The following AGRN variants were observed in gnomAD, a reference collection of about 807,000 sequenced individuals.
AGRN encodes the protein agrin proteoglycan.
In AGRN, 106 loss-of-function variants were observed where a neutral mutation model predicts 211.0. The ratio of observed to expected loss-of-function variants is 0.50; its 90% CI spans 0.43 to 0.59. AGRN has a LOEUF of 0.59. Ranked by LOEUF, AGRN falls within the 20% of genes least tolerant of loss-of-function variation. AGRN has a pLI of 0.00. For missense variants in AGRN, 3,040 were observed against 2,982.6 expected, an observed-to-expected ratio of 1.02 and a Z score of -0.45; for synonymous variants, 1,525 against 1,332.5, an observed-to-expected ratio of 1.14 and a Z score of -3.15.
chr1:1,053,569 C>G, intron 33 of AGRN, 184 bp from the exon 34 acceptor site: 2 of 1,518,550 alleles, frequency 1.3e-6, no homozygotes, highest in Non-Finnish European at 8.8e-7. Context: ...TGATCTCTCT[C>G]TGCCAGGCTG....
rs755142502 is a variant in AGRN at position 1,045,431 on chromosome 1, G to T, written c.2444G>T (p.Arg815Leu). ...CCAGCCACAGGCCAGTGCTCCTGCC[G>T]CCCAGGTGTGGGGGGCCTCAGGTGT... ...CDPATGQCSC[R>L]PGVGGLRCDR... The change falls in exon 14 of 36, where the codon CGC becomes CTC. Residue 815 changes from arginine (R) to leucine (L), a missense_variant. This residue lies in a region of AGRN where 1,498 missense variants were observed against 1,457.8 expected (regional missense o/e 1.03). Coordinates refer to ENST00000379370, the MANE Select transcript of AGRN (RefSeq NM_198576.4). 8 of 1,612,140 alleles carry T rather than the reference G, an allele frequency of 5.0e-6. No individual in the cohort carries two copies. The highest frequency in any genetic ancestry group is 1.1e-5 in the South Asian group (1 of 91,064).
rs767290327 is a variant in AGRN, at chr1:1,046,572, C to T, written c.3087C>T (p.Ser1029=). The change falls in exon 18 of 36, where the codon AGC becomes AGT. Residue 1029 remains serine (S), a synonymous_variant. Coordinates refer to ENST00000379370, the MANE Select transcript of AGRN (RefSeq NM_198576.4). ...CATCACGACCTCGGACCACTGCCAG[C>T]GTCCCCAGGACCACCGTGTGGCCCG... ...PPSSRPRTTA[S]VPRTTVWPVL... is the part of the protein sequence containing the mutation. The T allele has an allele frequency of 1.7e-5, 28 of 1,608,182 alleles. No homozygotes were observed. The highest frequency in any genetic ancestry group is 2.2e-5 in the East Asian group (1 of 44,848).
rs111818381 is a variant in AGRN, at chr1:1,049,591, G to A, written c.4540G>A (p.Ala1514Thr). 9.5e-3 allele frequency: 15,056 copies of A among 1,590,108 alleles called. 92 individuals carry two copies. The highest frequency in any genetic ancestry group is 0.013 in the Middle Eastern group (80 of 6,030). ...GGCGCTGGAGCGGACCTTCGTGGGCGCCGGCCTGAGGGGGTGCATCCGTTT... is the reference window on the plus strand; with the variant it reads ...GGCGCTGGAGCGGACCTTCGTGGGCACCGGCCTGAGGGGGTGCATCCGTTT... ...AVALERTFVG[A>T]GLRGCIRLLD... Residue 1514 changes from alanine (A) to threonine (T), a missense_variant, in exon 26 of 36, where the codon GCC becomes ACC. This residue lies in a region of AGRN where 1,537 missense variants were observed against 1,505.0 expected (regional missense o/e 1.02). Transcript: ENST00000379370.
chr1:1,051,126 T>G, intron 30 of AGRN, 127 bp from the exon 31 acceptor site: 1 of 1,532,764 alleles, frequency 6.5e-7, no homozygotes, highest in Non-Finnish European at 8.8e-7. Context: ...ACCCTGCCAT[T>G]TCTGTGTGAT....
chr1:1,047,842 G>A lies in AGRN; in HGVS notation c.3698G>A (p.Arg1233Gln), dbSNP rs746259185. ...CGGCAGATCCAGGTGTCCAGGCGCC[G>A]GTCCTTGGGGGTGAGGCGGCCGCTG... ...LLRQIQVSRR[R>Q]SLGVRRPLQE... Residue 1233 changes from arginine (R) to glutamine (Q), a missense_variant, in exon 22 of 36, where the codon CGG (arginine) becomes CAG (glutamine). Arg to Gln is a conservative substitution (Grantham distance 43). Around this residue, in one of 3 missense-constraint regions of AGRN, gnomAD observed 1,537 missense variants for 1,505.0 expected, o/e 1.02. Transcript: ENST00000379370. 3.2e-5 allele frequency: 52 copies of A among 1,605,312 alleles called. No individual in the cohort carries two copies. Among genetic ancestry groups the A allele is most frequent in the African/African-American group, 4.0e-5 (3 of 74,776 alleles).
In AGRN at chr1:1,054,833, C is replaced by T. The variant is rs144091542; in HGVS notation, c.5990C>T (p.Pro1997Leu). The T allele has an allele frequency of 7.3e-5, 114 of 1,557,850 alleles. No homozygotes were observed. Among genetic ancestry groups the T allele is most frequent in the Non-Finnish European group, 9.4e-5 (108 of 1,153,116 alleles). The change falls in exon 36 of 36, where the codon CCG becomes CTG. Residue 1997 changes from proline (P) to leucine (L), a missense_variant. By Grantham distance (98) the Pro-to-Leu change is moderately conservative. Coordinates refer to ENST00000379370, the MANE Select transcript of AGRN (RefSeq NM_198576.4). ...TDGALWLGGL[P>L]ELPVGPALPK... ...ACTGTCTGTGCTGCAGGGGGCCTGC[C>T]GGAGCTGCCCGTGGGCCCAGCACTG... is the stretch of plus-strand genomic sequence containing the variant.
At chr1:1,036,474 T>C (rs1570176173) in intron 3 of AGRN, among the ~76,000 whole-genome samples, 1 of 152,086 alleles carries the variant, frequency 6.6e-6, no homozygotes, top group Non-Finnish European at 1.5e-5. Flanking sequence ...TGGGGTGACC[T>C]GTAGTCAGCT....
rs116836855 is a variant in AGRN, at chr1:1,045,973, C to T, written c.2690C>T (p.Ala897Val). Residue 897 changes from alanine (A) to valine (V), a missense_variant, in exon 16 of 36, where the codon GCG (alanine) becomes GTG (valine). Transcript: ENST00000379370. ...GPAGCEADASAPATCAEMRCE... is the reference protein window; with the variant it reads ...GPAGCEADASVPATCAEMRCE... Reference sequence around the variant, plus strand: ...CATGCCCGTGCCCCAGACGCTTCTGCGCCTGCGACCTGTGCGGAGATGCGC... The same window carrying T: ...CATGCCCGTGCCCCAGACGCTTCTGTGCCTGCGACCTGTGCGGAGATGCGC... The T allele has an allele frequency of 2.6e-3, 4,235 of 1,613,700 alleles. 7 individuals carry two copies. The highest frequency in any genetic ancestry group is 3.3e-3 in the Non-Finnish European group (3,917 of 1,180,008).
intron 3 of AGRN, among the ~76,000 whole-genome samples, chr1:1,039,430 C>A (rs1203220332): frequency 6.6e-6 from 1 of 150,894 alleles, no homozygotes; most frequent in East Asian, 2.0e-4. Context: ...TTCCTCCTGC[C>A]CCATTTCACG....
intron 2 of AGRN, among the ~76,000 whole-genome samples, chr1:1,027,014 C>T (rs888037204): frequency 6.6e-6 from 1 of 152,172 alleles, no homozygotes; most frequent in South Asian, 2.1e-4. Context: ...CTGAGGGAAG[C>T]CCCCCCGAAG....
chr1:1,035,277 A>G lies in AGRN; in HGVS notation c.464A>G (p.Asp155Gly). The G allele has an allele frequency of 6.2e-7, 1 of 1,612,966 alleles. No homozygotes were observed. The highest frequency in any genetic ancestry group is 1.3e-5 in the African/African-American group (1 of 74,978). Reference sequence around the variant, plus strand: ...AACTTGGGGATTTGTTTTCTTCCAGATAAACCCGGGACCCACTTCACTCCA... The same window carrying G: ...AACTTGGGGATTTGTTTTCTTCCAGGTAAACCCGGGACCCACTTCACTCCA... ...NLEEVEFCVE[D>G]KPGTHFTPVP... Residue 155 changes from aspartate to glycine, a missense_variant and splice_region_variant, in exon 3 of 36, where the codon GAT becomes GGT. Transcript: ENST00000379370.
rs941734401 is a variant in AGRN at position 1,032,035 on chromosome 1, C to T, written c.464-3242C>T. ...CCCTGCCCGGGGCACCCACAGTCAG[C>T]ACCGCCGGAACACTGTCAGCCTGGT... On this transcript the variant is annotated intron_variant, in intron 2 of 35. Coordinates refer to ENST00000379370, the MANE Select transcript of AGRN (RefSeq NM_198576.4). The surrounding 1 kb of genome is among the most constrained non-coding windows in gnomAD (Gnocchi z 4.7). Among the ~76,000 whole-genome samples the T allele has an allele frequency of 6.6e-6, 1 of 152,234 alleles. No homozygotes were observed. Among genetic ancestry groups the T allele is most frequent in the Non-Finnish European group, 1.5e-5 (1 of 68,042 alleles).
chr1:1,035,257 G>A lies in AGRN; in HGVS notation c.464-20G>A, dbSNP rs774246555. ...GAGCCTGCTCAGAGGAGCCTAACTT[G>A]GGGATTTGTTTTCTTCCAGATAAAC... is the stretch of plus-strand genomic sequence containing the variant. On this transcript the variant is annotated intron_variant, in intron 2 of 35. Transcript: ENST00000379370. The A allele has an allele frequency of 1.9e-6, 3 of 1,612,850 alleles. No individual in the cohort carries two copies. Among genetic ancestry groups the A allele is most frequent in the African/African-American group, 1.3e-5 (1 of 74,902 alleles).
rs1478624836 is a variant in AGRN at position 1,045,624 on chromosome 1, A to T, written c.2536+101A>T. On this transcript the variant is annotated intron_variant, in intron 14 of 35. Coordinates refer to ENST00000379370, the MANE Select transcript of AGRN (RefSeq NM_198576.4). ...ACCTGCCCAGGCCCTGGCCTGACCC[A>T]CACCTGGCTGGGGGCTGGGCAGAGC... 8.7e-6 allele frequency: 14 copies of T among 1,605,730 alleles called. No individual in the cohort carries two copies. In the Middle Eastern group the frequency reaches 6.6e-4, roughly 76 times the overall value.
chr1:1,054,243 C>G (rs1016846449), intron 34 of AGRN, among the ~76,000 whole-genome samples: 1 of 152,224 alleles, frequency 6.6e-6, no homozygotes, highest in South Asian at 2.1e-4. Context: ...TCCAGCAAAG[C>G]TTGAGCTGCA....
chr1:1,036,189 G>T (rs187758199), intron 3 of AGRN, among the ~76,000 whole-genome samples: 87 of 152,308 alleles, frequency 5.7e-4, no homozygotes, highest in African/African-American at 2.0e-3. Context: ...ATCCTGAAGT[G>T]ATCTGAAGAC....
At chr1:1,044,302 C>A in intron 11 of AGRN, 32 bp from the exon 12 acceptor site, 1 of 1,612,286 alleles carries the variant, frequency 6.2e-7, no homozygotes, top group East Asian at 2.2e-5. Context: ...GGGGACGGGG[C>A]TGCGGCCGCT....
At position 1,041,152 on chromosome 1, in the gene AGRN, CCGGCA is replaced by C; in HGVS notation, c.728-20_728-16del. The C allele has an allele frequency of 7.4e-7, 1 of 1,359,746 alleles. No homozygotes were observed. Among genetic ancestry groups the C allele is most frequent in the Non-Finnish European group, 9.4e-7 (1 of 1,059,216 alleles). The allele number at this position is 1,359,746 out of a possible 1,614,324, so 84.2% of individuals were successfully genotyped here. On this transcript the variant is annotated splice_polypyrimidine_tract_variant and intron_variant, in intron 4 of 35. Coordinates refer to ENST00000379370, the MANE Select transcript of AGRN (RefSeq NM_198576.4). ...GCGGGGGCGGGGGCGGCCCGTCTGACCGGCAAAGCCCCGCCCGCAGGCTCGCGGGA... is the reference window on the plus strand; with the variant it reads ...GCGGGGGCGGGGGCGGCCCGTCTGACAAGCCCCGCCCGCAGGCTCGCGGGA...
intron 1 of AGRN, among the ~76,000 whole-genome samples, chr1:1,021,135 C>T (rs560175201): frequency 3.3e-5 from 5 of 152,362 alleles, no homozygotes; most frequent in Middle Eastern, 3.4e-3. Flanking sequence ...TTTCCCTCCA[C>T]GGAGGTGGAG....
Sources: gnomAD v4.1 joint callset for allele counts (sites outside exome capture counted in the v4.1 genomes callset) on GRCh38, gnomAD v4.1.1 for gene constraint, gnomAD v4.1.1 regional missense constraint, Gnocchi (gnomAD v3.1) non-coding constraint, MANE v1.5 for transcripts, NCBI Gene and HGNC (gene_info 2026-07-23, HGNC 2026-07-21) for gene names.